The following ANKRD36B variants were observed in gnomAD, a reference collection of about 807,000 sequenced individuals.
ANKRD36B encodes ankyrin repeat domain-containing protein 36B.
In ANKRD36B, 37 loss-of-function variants were observed where a neutral mutation model predicts 135.7. The ratio of observed to expected loss-of-function variants is 0.27; its 90% CI spans 0.21 to 0.36. ANKRD36B has a LOEUF of 0.36. Ranked by LOEUF, ANKRD36B falls within the 10% of genes least tolerant of loss-of-function variation. ANKRD36B has a pLI of 1.00. For missense variants in ANKRD36B, 549 were observed against 1,037.1 expected, an observed-to-expected ratio of 0.53 and a Z score of 6.46; for synonymous variants, 179 against 348.1, an observed-to-expected ratio of 0.51 and a Z score of 5.41.
chr2:97,552,701 G>A (rs910692011), intron 16 of ANKRD36B, among the ~76,000 whole-genome samples: 18 of 151,816 alleles, frequency 1.2e-4, no homozygotes, highest in East Asian at 5.9e-4. Flanking sequence ...ACAATCCCTC[G>A]TCCTTGGGAA....
chr2:97,580,383 T>G (rs1278998480), intron 4 of ANKRD36B, 79 bp downstream of exon 4: 11 of 1,261,498 alleles, frequency 8.7e-6, no homozygotes, highest in Admixed American at 5.5e-5. Flanking sequence ...TAATGTAATA[T>G]TTGTGACTTG....
chr2:97,529,580 A>G (rs2078443447), intron 35 of ANKRD36B, among the ~76,000 whole-genome samples: 1 of 95,822 alleles, frequency 1.0e-5, no homozygotes, highest in African/African-American at 3.1e-5. Context: ...AAGGAAATAA[A>G]GGGTATTCAA....
chr2:97,574,365 C>T (rs531411973), intron 6 of ANKRD36B, among the ~76,000 whole-genome samples: 50 of 152,274 alleles, frequency 3.3e-4, no homozygotes, highest in Middle Eastern at 6.8e-3. Context: ...GTTAGAATGG[C>T]AATCATTAAA....
intron 6 of ANKRD36B, among the ~76,000 whole-genome samples, chr2:97,571,994 C>CCAG (rs2081910964): frequency 6.6e-6 from 1 of 151,978 alleles, no homozygotes; most frequent in South Asian, 2.1e-4. Context: ...AAGTTATAGA[C>CCAG]CAGCACGATG....
At chr2:97,573,671 G>A (rs2082039356) in intron 6 of ANKRD36B, among the ~76,000 whole-genome samples, 1 of 152,124 alleles carries the variant, frequency 6.6e-6, no homozygotes, top group African/African-American at 2.4e-5. Context: ...AAACAGCATG[G>A]TACTGGTACC....
At chr2:97,516,173 TAAACTCAGATAGGTCCTGTAAAAAAA>T (rs2077807246) in intron 36 of ANKRD36B, among the ~76,000 whole-genome samples, 1 of 29,972 alleles carries the variant, frequency 3.3e-5, no homozygotes, top group Non-Finnish European at 9.5e-5. Flanking sequence ...GTGACAGTTA[TAAACTCAGATAGGTCCTGTAAAAAAA>T]AAAAAAAAAA....
intron 6 of ANKRD36B, among the ~76,000 whole-genome samples, chr2:97,570,943 C>A (rs976405867): frequency 2.6e-5 from 4 of 152,292 alleles, no homozygotes; most frequent in African/African-American, 4.8e-5. Context: ...ACCTTTCCCT[C>A]ATCTGTTTTC....
chr2:97,550,719 T>C (rs940097971), intron 18 of ANKRD36B, among the ~76,000 whole-genome samples: 5 of 151,908 alleles, frequency 3.3e-5, no homozygotes, highest in Admixed American at 6.6e-5. Flanking sequence ...AAATCAAATA[T>C]TGTTTATGAA....
chr2:97,527,901 G>A lies in ANKRD36B; in HGVS notation c.2265+4410C>T, dbSNP rs1420814546. Among the ~76,000 whole-genome samples the A allele has an allele frequency of 7.3e-5, 7 of 95,372 alleles. 3 individuals are homozygous for A. The highest frequency in any genetic ancestry group is 1.4e-4 in the Non-Finnish European group (5 of 35,894). 62.6% of individuals were successfully genotyped at this position (95,372 alleles called of 152,430 possible). A position where few individuals can be genotyped will look rare whatever the true frequency, so the allele number is the denominator to read the frequency against. ...AATACAGGAGCACCCAGATTCATAA[G>A]GCAAGTCCTGAGTGACCTACAAAGA... On this transcript the variant is annotated intron_variant, in intron 35 of 43. Coordinates refer to ENST00000359901, the MANE Select transcript of ANKRD36B (RefSeq NM_001393939.1).
At chr2:97,557,971 T>A (rs13001551) in intron 10 of ANKRD36B, among the ~76,000 whole-genome samples, 71,214 of 141,622 alleles carry the variant, frequency 0.5, 16,849 homozygotes, top group Non-Finnish European at 0.6. Context: ...TTCACCATTA[T>A]TTTTTTTTCT....
At chr2:97,553,418 C>T (rs534934335) in intron 14 of ANKRD36B, 47 bp from the exon 15 acceptor site, 3 of 1,569,200 alleles carry the variant, frequency 1.9e-6, no homozygotes, top group Non-Finnish European at 2.6e-6. Flanking sequence ...AAATATGATA[C>T]ATTTTCCATA....
Position 97,532,504 on chromosome 2 carries a change from C to T in ANKRD36B, c.2192-120G>A, listed in dbSNP as rs1423571263. The T allele has an allele frequency of 6.5e-5, 29 of 443,912 alleles. 9 individuals carry two copies. The highest frequency in any genetic ancestry group is 1.2e-3 in the Middle Eastern group (2 of 1,610). 27.5% of individuals were successfully genotyped at this position (443,912 alleles called of 1,614,324 possible). On this transcript the variant is annotated intron_variant, in intron 34 of 43. Transcript: ENST00000359901. ...TTGGGAGGCTGAGGCGGGTGGATCA[C>T]GAGGTCAGGAGATAGAGACCATCCT...
intron 4 of ANKRD36B, among the ~76,000 whole-genome samples, chr2:97,579,629 TA>T (rs1277541986): frequency 7.7e-5 from 3 of 38,736 alleles, no homozygotes; most frequent in Admixed American, 2.1e-4. Flanking sequence ...ATATAATCTA[TA>T]AAATATATAA....
intron 37 of ANKRD36B, among the ~76,000 whole-genome samples, chr2:97,514,028 C>G (rs1385460875): frequency 7.6e-6 from 1 of 132,250 alleles, no homozygotes; most frequent in Non-Finnish European, 1.5e-5. Flanking sequence ...AAGCTGCACC[C>G]CGACCACTTC....
rs756618255 is a variant in ANKRD36B, at chr2:97,551,343, C to T, written c.1321G>A (p.Asp441Asn). The T allele has an allele frequency of 6.3e-7, 1 of 1,590,282 alleles. No homozygotes were observed. Reference protein sequence around the residue: ...PALKATSDEKDSFSNITREKK... With the variant: ...PALKATSDEKNSFSNITREKK... The stretch of plus-strand genomic sequence containing the variant: ...TCTCTGGTTATATTCGAAAAAGAAT[C>T]TTTCTCATCACTTGTGGCCTGAATG... The change falls in exon 18 of 44, where the codon GAT (aspartate) becomes AAT (asparagine). Residue 441 changes from aspartate (D) to asparagine (N), a missense_variant. Transcript: ENST00000359901.
At chr2:97,563,203 T>C (rs1190289808) in intron 6 of ANKRD36B, among the ~76,000 whole-genome samples, 1 of 151,946 alleles carries the variant, frequency 6.6e-6, no homozygotes, top group Non-Finnish European at 1.5e-5. Flanking sequence ...CTCTCCTTGA[T>C]GCACCAAAAT....
chr2:97,569,829 CAATATA>C (rs1411880028), intron 6 of ANKRD36B, among the ~76,000 whole-genome samples: 1 of 151,966 alleles, frequency 6.6e-6, no homozygotes, highest in East Asian at 1.9e-4. Context: ...ATTTGAAACA[CAATATA>C]AATATTCTCT....
In ANKRD36B at chr2:97,527,425, AACCGGT is replaced by A. The variant is rs1475882798; in HGVS notation, c.2266-3964_2266-3959del. On this transcript the variant is annotated intron_variant, in intron 35 of 43. Coordinates refer to ENST00000359901, the MANE Select transcript of ANKRD36B (RefSeq NM_001393939.1). ...GAAAGCACTAAACATGGAAAGGAACAACCGGTACCAGCCACTGCAAAATCATGACAA... is the reference window on the plus strand; with the variant it reads ...GAAAGCACTAAACATGGAAAGGAACAACCAGCCACTGCAAAATCATGACAA... Among the ~76,000 whole-genome samples the A allele has an allele frequency of 1.3e-4, 12 of 95,658 alleles. 5 individuals are homozygous for A. Among genetic ancestry groups the A allele is most frequent in the Middle Eastern group, 5.2e-3 (1 of 194 alleles). 62.8% of individuals were successfully genotyped at this position (95,658 alleles called of 152,430 possible).
intron 4 of ANKRD36B, among the ~76,000 whole-genome samples, 196 bp from the exon 5 acceptor site, chr2:97,579,239 GC>G (rs2082423044): frequency 1.3e-5 from 2 of 148,178 alleles, no homozygotes; most frequent in South Asian, 4.2e-4. Context: ...CAAAAAGGAA[GC>G]CTCTTGTCCC....
Sources: allele counts gnomAD v4.1 joint callset (sites outside exome capture counted in the v4.1 genomes callset), GRCh38; gene constraint gnomAD v4.1.1; transcripts MANE v1.5; gene names NCBI Gene and HGNC (gene_info 2026-07-23, HGNC 2026-07-21).